The following TMPRSS15 variants were observed in gnomAD, a reference collection of about 807,000 sequenced individuals.
TMPRSS15 encodes the protein transmembrane serine protease 15.
In TMPRSS15, 128 loss-of-function variants were observed where a neutral mutation model predicts 125.3. That is an observed-to-expected ratio of 1.02 (90% CI 0.89 to 1.18). TMPRSS15 has a LOEUF of 1.18. Ranked by LOEUF, TMPRSS15 falls within the 50% of genes most tolerant of loss-of-function variation. The pLI is 0.00. For missense variants in TMPRSS15, 1,283 were observed against 1,212.7 expected (o/e 1.06, Z -0.86); for synonymous variants, 446 against 423.2 (o/e 1.05, Z -0.66).
At chr21:18,379,787 T>C (rs2075875553) in intron 4 of TMPRSS15, among the ~76,000 whole-genome samples, 1 of 152,090 alleles carries the variant, frequency 6.6e-6, no homozygotes, top group African/African-American at 2.4e-5. Flanking sequence ...ATTATTTAAT[T>C]TATTCTTTCA....
chr21:18,346,475 T>C (rs1266765814), intron 10 of TMPRSS15, among the ~76,000 whole-genome samples: 2 of 152,344 alleles, frequency 1.3e-5, no homozygotes, highest in East Asian at 3.9e-4. Context: ...TCTACAGAAG[T>C]TTAAAGGCCA....
intron 16 of TMPRSS15, among the ~76,000 whole-genome samples, chr21:18,322,680 T>A (rs1204001865): frequency 6.6e-6 from 1 of 152,136 alleles, no homozygotes; most frequent in Non-Finnish European, 1.5e-5. Context: ...ATTAATTGAT[T>A]TCATGAAGAT....
chr21:18,341,560 A>T lies in TMPRSS15; in HGVS notation c.1429-12T>A. On this transcript the variant is annotated splice_polypyrimidine_tract_variant and intron_variant, in intron 12 of 24. Coordinates refer to ENST00000284885, the MANE Select transcript of TMPRSS15 (RefSeq NM_002772.3). The stretch of plus-strand genomic sequence containing the variant: ...GCATTAAAAGCAACCTGCAATTCAG[A>T]GAGGCATATGAAACGATTTGATTCC... 6.2e-7 allele frequency: 1 copy of T among 1,613,924 alleles called. No individual in the cohort carries two copies. Among genetic ancestry groups the T allele is most frequent in the East Asian group, 2.2e-5 (1 of 44,866 alleles).
intron 1 of TMPRSS15, among the ~76,000 whole-genome samples, chr21:18,438,901 C>T (rs10470101): frequency 0.062 from 9,498 of 152,190 alleles, 571 homozygotes; most frequent in African/African-American, 0.15. Flanking sequence ...TAATGCTAAA[C>T]GTTGTAGAAC....
At chr21:18,274,636 C>T (rs2074598545) in intron 24 of TMPRSS15, among the ~76,000 whole-genome samples, 1 of 152,228 alleles carries the variant, frequency 6.6e-6, no homozygotes, top group East Asian at 1.9e-4. Context: ...AAGCCAGAGC[C>T]AGGGTTATGC....
intron 15 of TMPRSS15, among the ~76,000 whole-genome samples, chr21:18,328,024 G>T (rs2075310067): frequency 6.6e-6 from 1 of 152,094 alleles, no homozygotes; most frequent in Non-Finnish European, 1.5e-5. Flanking sequence ...CTGCACTCCA[G>T]CCTGGGTGAC....
chr21:18,300,889 C>G (rs984316834), intron 18 of TMPRSS15, among the ~76,000 whole-genome samples: 7 of 151,754 alleles, frequency 4.6e-5, no homozygotes, highest in Admixed American at 4.6e-4. Context: ...CTTGTTCCAC[C>G]CCGAGATTTT....
intron 16 of TMPRSS15, among the ~76,000 whole-genome samples, chr21:18,322,499 G>A (rs1215492369): frequency 1.3e-5 from 2 of 152,232 alleles, no homozygotes; most frequent in East Asian, 3.9e-4. Context: ...CAGATGAAAA[G>A]AGAGAGAGAA....
chr21:18,292,839 T>C (rs890820965), intron 21 of TMPRSS15, among the ~76,000 whole-genome samples: 1 of 152,160 alleles, frequency 6.6e-6, no homozygotes, highest in African/African-American at 2.4e-5. Flanking sequence ...GATGGAAAAA[T>C]TGCCTCTACA....
intron 10 of TMPRSS15, among the ~76,000 whole-genome samples, chr21:18,349,018 T>C (rs979057446): frequency 2.6e-5 from 4 of 152,278 alleles, no homozygotes; most frequent in East Asian, 1.9e-4. Flanking sequence ...CTTGCCTAAA[T>C]GGCAGGGCTA....
Position 18,297,824 on chromosome 21 carries a change from C to T in TMPRSS15, c.2171G>A (p.Gly724Glu), listed in dbSNP as rs753777044. The change falls in exon 19 of 25, where the codon GGA becomes GAA. Residue 724 changes from glycine to glutamate, a missense_variant. Transcript: ENST00000284885. ...AGGGAAGATTGGCTTTGATGAGTTT[C>T]CACTCCTAGAGAAAAAAGAAAAAAG... Reference protein sequence around the residue: ...DVCQLLGLGSGNSSKPIFPTD... With the variant: ...DVCQLLGLGSENSSKPIFPTD... 117 of 1,609,728 alleles carry T rather than the reference C, an allele frequency of 7.3e-5. No homozygotes were observed. Among genetic ancestry groups the T allele is most frequent in the Non-Finnish European group, 9.4e-5 (111 of 1,176,382 alleles).
intron 1 of TMPRSS15, among the ~76,000 whole-genome samples, chr21:18,469,164 G>A (rs1978729072): frequency 6.6e-6 from 1 of 152,088 alleles, no homozygotes; most frequent in Non-Finnish European, 1.5e-5. Context: ...ATTACAGTTT[G>A]GAGGCAGGAA....
intron 5 of TMPRSS15, among the ~76,000 whole-genome samples, chr21:18,375,672 T>G (rs984913289): frequency 2.6e-5 from 4 of 152,186 alleles, no homozygotes; most frequent in Non-Finnish European, 5.9e-5. Context: ...TTTTGACATA[T>G]TATGAAAACA....
chr21:18,422,508 C>G (rs965036753), intron 1 of TMPRSS15, among the ~76,000 whole-genome samples: 1 of 152,118 alleles, frequency 6.6e-6, no homozygotes, highest in Non-Finnish European at 1.5e-5. Flanking sequence ...TAATTACTTA[C>G]AGTTAATGAT....
intron 1 of TMPRSS15, among the ~76,000 whole-genome samples, chr21:18,436,842 TA>T: frequency 1.7e-4 from 1 of 5,958 alleles, no homozygotes; most frequent in African/African-American, 2.1e-4. Flanking sequence ...GAAGAATCAA[TA>T]TCGTGAAAAT....
intron 1 of TMPRSS15, chr21:18,460,871 A>G (rs1978538707): frequency 6.6e-6 from 1 of 152,172 alleles, no homozygotes; most frequent in Non-Finnish European, 1.5e-5. Context: ...GTTGACACCT[A>G]AAATTAACCA....
chr21:18,345,278 T>C (rs1047135253), intron 10 of TMPRSS15, among the ~76,000 whole-genome samples: 22 of 152,192 alleles, frequency 1.4e-4, no homozygotes, highest in African/African-American at 5.3e-4. Context: ...CATGAGTACA[T>C]ATCTTAGCTA....
At chr21:18,298,738 G>A (rs1315474960) in intron 18 of TMPRSS15, among the ~76,000 whole-genome samples, 2 of 152,204 alleles carry the variant, frequency 1.3e-5, no homozygotes, top group African/African-American at 2.4e-5. Context: ...GCAGGGAGAT[G>A]ATGTGGTTCT....
At chr21:18,379,064 A>C (rs1280324483) in intron 5 of TMPRSS15, among the ~76,000 whole-genome samples, 1 of 152,146 alleles carries the variant, frequency 6.6e-6, no homozygotes, top group Non-Finnish European at 1.5e-5. Context: ...ACAGAGGATA[A>C]AAGTGAAATC....
Sources: allele counts gnomAD v4.1 joint callset (sites outside exome capture counted in the v4.1 genomes callset), GRCh38; gene constraint gnomAD v4.1.1; transcripts MANE v1.5; gene names NCBI Gene and HGNC (gene_info 2026-07-23, HGNC 2026-07-21).